Variants in RGS7 observed in about 807,000 individuals in gnomAD.
RGS7 encodes the protein regulator of G-protein signaling 7.
In RGS7, 27 loss-of-function variants were observed where a neutral mutation model predicts 81.1. The observed-to-expected ratio is 0.33, with a 90% CI of 0.25 to 0.46. RGS7 has a LOEUF of 0.46. Ranked by LOEUF, RGS7 falls within the 20% of genes least tolerant of loss-of-function variation. The pLI is 1.00. For missense variants in RGS7, 396 were observed against 607.4 expected (o/e 0.65, Z 3.66); for synonymous variants, 208 against 207.7 (o/e 1.00, Z -0.01).
At chr1:241,267,303 G>A (rs1163018750) in intron 2 of RGS7, among the ~76,000 whole-genome samples, 1 of 152,160 alleles carries the variant, frequency 6.6e-6, no homozygotes, top group East Asian at 1.9e-4. Context: ...TTAGATGACT[G>A]CACCTGATTA....
At chr1:241,067,487 C>G (rs1292035245) in intron 3 of RGS7, among the ~76,000 whole-genome samples, 1 of 151,386 alleles carries the variant, frequency 6.6e-6, no homozygotes, top group Non-Finnish European at 1.5e-5. Flanking sequence ...GCTAGTAGAA[C>G]ATTCAAGTAA....
chr1:241,300,013 G>A lies in RGS7; in HGVS notation c.78+55686C>T, dbSNP rs146710433. Among the ~76,000 whole-genome samples, 20 of 151,284 alleles carry A rather than the reference G, an allele frequency of 1.3e-4. No individual in the cohort carries two copies. The East Asian group carries it at 3.9e-3, about 29-fold the overall frequency. ...ACTTGTAATACCAGCCACTCGGGAG[G>A]CTGGGGTGGGAAGATCGCCTGAACC... On this transcript the variant is annotated intron_variant, in intron 2 of 18. Transcript: ENST00000440928.
intron 3 of RGS7, among the ~76,000 whole-genome samples, chr1:241,062,334 A>C (rs74149598): frequency 6.6e-6 from 1 of 152,086 alleles, no homozygotes; most frequent in Non-Finnish European, 1.5e-5. Context: ...TAGCCCCTCA[A>C]ATGCTTGGCC....
chr1:240,927,677 T>C (rs1428472191), intron 6 of RGS7, among the ~76,000 whole-genome samples: 1 of 152,218 alleles, frequency 6.6e-6, no homozygotes, highest in Non-Finnish European at 1.5e-5. Flanking sequence ...TCATTGTTAT[T>C]CTCTTCCTCT....
chr1:241,287,456 C>T lies in RGS7; in HGVS notation c.78+68243G>A, dbSNP rs141100167. ...CTCTCTTGCCTGCTGTCACTTAAGACGTGACTTTGCTCCTCCTTTGTCTTC... is the reference window on the plus strand; with the variant it reads ...CTCTCTTGCCTGCTGTCACTTAAGATGTGACTTTGCTCCTCCTTTGTCTTC... On this transcript the variant is annotated intron_variant, in intron 2 of 18. Coordinates refer to ENST00000440928, the MANE Select transcript of RGS7 (RefSeq NM_001364886.1). Among the ~76,000 whole-genome samples, 739 of 152,290 alleles carry T rather than the reference C, an allele frequency of 4.9e-3. 2 individuals are homozygous for T. Among genetic ancestry groups the T allele is most frequent in the African/African-American group, 0.017 (690 of 41,562 alleles).
At chr1:240,784,615 C>T (rs866491381) in intron 18 of RGS7, among the ~76,000 whole-genome samples, 1 of 150,634 alleles carries the variant, frequency 6.6e-6, no homozygotes, top group Non-Finnish European at 1.5e-5. Context: ...CACTGCGCTC[C>T]AGCCTGGGCA....
chr1:241,108,655 T>G (rs567639203), intron 2 of RGS7, among the ~76,000 whole-genome samples: 1 of 152,300 alleles, frequency 6.6e-6, no homozygotes, highest in South Asian at 2.1e-4. Context: ...CAATGTCCCC[T>G]GAACTATTTG....
rs1380639260 is a variant in RGS7 at position 241,144,956 on chromosome 1, TGTG to T, written c.79-46197_79-46195del. On this transcript the variant is annotated intron_variant, in intron 2 of 18. Coordinates refer to ENST00000440928, the MANE Select transcript of RGS7 (RefSeq NM_001364886.1). This position sits in a 1 kb window ranked among gnomAD's most constrained non-coding sequence, Gnocchi z 4.7. ...GTGTGTGTGTGTGTGTGTGTGTGTGTGTGTGTGTTCGTGTTCATTCTTCCTGTT... is the reference window on the plus strand; with the variant it reads ...GTGTGTGTGTGTGTGTGTGTGTGTGTTGTGTTCGTGTTCATTCTTCCTGTT... 6.6e-6 allele frequency among the ~76,000 whole-genome samples: 1 copy of T among 151,352 alleles called. No homozygotes were observed. The highest frequency in any genetic ancestry group is 1.5e-5 in the Non-Finnish European group (1 of 67,914).
At chr1:241,036,688 G>T (rs1335872718) in intron 3 of RGS7, among the ~76,000 whole-genome samples, 1 of 152,188 alleles carries the variant, frequency 6.6e-6, no homozygotes, top group Non-Finnish European at 1.5e-5. Flanking sequence ...TAGGAACAAG[G>T]ATTAGATGGT....
At chr1:241,051,765 T>C (rs1159535028) in intron 3 of RGS7, among the ~76,000 whole-genome samples, 1 of 152,234 alleles carries the variant, frequency 6.6e-6, no homozygotes, top group African/African-American at 2.4e-5. Context: ...CTAACTTGCA[T>C]TGAGTGTTTC....
At position 241,060,029 on chromosome 1, in the gene RGS7, C is replaced by T. The variant is rs193101884; in HGVS notation, c.175+38637G>A. Among the ~76,000 whole-genome samples the T allele has an allele frequency of 4.0e-3, 602 of 152,256 alleles. 2 individuals carry two copies. Among genetic ancestry groups the T allele is most frequent in the African/African-American group, 0.014 (563 of 41,546 alleles). On this transcript the variant is annotated intron_variant, in intron 3 of 18. Transcript: ENST00000440928. The stretch of plus-strand genomic sequence containing the variant: ...ATTCTCAAATTCACCCATTTCTCTC[C>T]CACTCCACAGGCACCTCCCAAACCT...
At chr1:241,016,574 A>T (rs111234053) in intron 3 of RGS7, among the ~76,000 whole-genome samples, 1,583 of 152,116 alleles carry the variant, frequency 0.01, 28 homozygotes, top group African/African-American at 0.035. Flanking sequence ...CAAACAAAAA[A>T]AAAACCCCAT....
chr1:241,028,135 A>C (rs2059885495), intron 3 of RGS7, among the ~76,000 whole-genome samples: 1 of 152,232 alleles, frequency 6.6e-6, no homozygotes, highest in Admixed American at 6.5e-5. Flanking sequence ...AGTGATGTTC[A>C]CTAAGCAGGC....
At chr1:240,792,592 C>T (rs1175284437) in intron 18 of RGS7, among the ~76,000 whole-genome samples, 1 of 152,176 alleles carries the variant, frequency 6.6e-6, no homozygotes, top group African/African-American at 2.4e-5. Flanking sequence ...CACTGTTTAG[C>T]AGGCAGGTCT....
intron 2 of RGS7, among the ~76,000 whole-genome samples, chr1:241,272,199 T>G (rs2148350510): frequency 6.6e-6 from 1 of 152,148 alleles, no homozygotes; most frequent in African/African-American, 2.4e-5. Flanking sequence ...TTCACCGTGT[T>G]AGCCAGGGTG....
chr1:241,067,192 GAC>G (rs1364799585), intron 3 of RGS7, among the ~76,000 whole-genome samples: 3 of 152,048 alleles, frequency 2.0e-5, no homozygotes, highest in Non-Finnish European at 4.4e-5. Context: ...CAACACTTAC[GAC>G]ACAGTACTAT....
intron 2 of RGS7, among the ~76,000 whole-genome samples, chr1:241,282,750 TTTC>T (rs141527959): frequency 0.12 from 18,261 of 152,188 alleles, 1,210 homozygotes; most frequent in Middle Eastern, 0.17. Flanking sequence ...CTATTCCTAG[TTTC>T]TTGAGAGTTT....
intron 9 of RGS7, among the ~76,000 whole-genome samples, chr1:240,829,833 G>T (rs1315274936): frequency 1.3e-5 from 2 of 152,074 alleles, no homozygotes; most frequent in African/African-American, 4.8e-5. Flanking sequence ...AAAGAGCCAA[G>T]TATGATAAGA....
chr1:240,857,624 A>T (rs1661382407), intron 9 of RGS7, among the ~76,000 whole-genome samples: 1 of 152,148 alleles, frequency 6.6e-6, no homozygotes, highest in African/African-American at 2.4e-5. Context: ...AGTTGGAATC[A>T]TATGATAACT....
Sources: gnomAD v4.1 joint callset for allele counts (sites outside exome capture counted in the v4.1 genomes callset) on GRCh38, gnomAD v4.1.1 for gene constraint, Gnocchi (gnomAD v3.1) non-coding constraint, MANE v1.5 for transcripts, NCBI Gene and HGNC (gene_info 2026-07-23, HGNC 2026-07-21) for gene names.